Variants in ALG12 observed in about 807,000 individuals in gnomAD.
ALG12 encodes the protein ALG12 alpha-1,6-mannosyltransferase.
In ALG12, 36 loss-of-function variants were observed where a neutral mutation model predicts 46.0. The observed-to-expected ratio is 0.78, with a 90% CI of 0.60 to 1.03. ALG12 has a LOEUF of 1.03. ALG12 is among the 50% of genes least tolerant of loss of function. ALG12 has a pLI of 0.00. For synonymous variants in ALG12, 326 were observed against 291.6 expected (o/e 1.12, Z -1.20); for missense variants, 599 against 633.5 (o/e 0.95, Z 0.58).
the ALG12 span, among the ~76,000 whole-genome samples, chr22:49,878,949 C>A: frequency 6.6e-6 from 1 of 151,692 alleles, no homozygotes; most frequent in Non-Finnish European, 1.5e-5. Flanking sequence ...TAGAGACCAT[C>A]GTGGCCAACA....
the ALG12 span, chr22:49,888,848 C>T: frequency 6.0e-6 from 1 of 167,256 alleles, no homozygotes; most frequent in Non-Finnish European, 1.5e-5. Flanking sequence ...CCATGGCCCA[C>T]CCATCTCTCC....
chr22:49,888,371 A>G, the ALG12 span: 2 of 167,334 alleles, frequency 1.2e-5, no homozygotes, highest in Admixed American at 1.3e-4. Flanking sequence ...CTAAATTTGC[A>G]TTGACTATGT....
the ALG12 span, among the ~76,000 whole-genome samples, chr22:49,868,114 A>G: frequency 2.6e-4 from 39 of 152,190 alleles, 1 homozygote; most frequent in African/African-American, 8.4e-4. Context: ...ACCCATATTC[A>G]TGGTTTGTCC....
rs563758825 is a variant in ALG12 at position 49,911,339 on chromosome 22, G to A, written c.296-732C>T. Among the ~76,000 whole-genome samples the A allele has an allele frequency of 2.5e-4, 38 of 152,326 alleles. 1 individual carries two copies. The highest frequency in any genetic ancestry group is 6.7e-4 in the African/African-American group (28 of 41,562). On this transcript the variant is annotated intron_variant, in intron 3 of 9. Transcript: ENST00000330817. ...ACCCAGGCACTGCCAAGGGGGCCACGGATGTCTGAGGGCTGGACCTGCTGT... is the reference window on the plus strand; with the variant it reads ...ACCCAGGCACTGCCAAGGGGGCCACAGATGTCTGAGGGCTGGACCTGCTGT...
rs1267984710 is a variant in ALG12 at position 49,901,643 on chromosome 22, CACGT to C, written c.*2191_*2194del. ...GCGTGGTGGGTATGTATGGTGTGTG[CACGT>C]GTGATCATGCATGTATGGTGTGTAT... On this transcript the variant is annotated 3_prime_UTR_variant, in exon 10 of 10. Coordinates refer to ENST00000330817, the MANE Select transcript of ALG12 (RefSeq NM_024105.4). 1 of 89,196 alleles carries C rather than the reference CACGT, an allele frequency of 1.1e-5. No individual in the cohort carries two copies. The highest frequency in any genetic ancestry group is 2.3e-4 in the African/African-American group (1 of 4,350). 5.5% of individuals were successfully genotyped at this position (89,196 alleles called of 1,614,324 possible).
chr22:49,889,897 T>G, the ALG12 span: 1 of 167,098 alleles, frequency 6.0e-6, no homozygotes, highest in Non-Finnish European at 1.5e-5. Flanking sequence ...AAATGATGTT[T>G]TAGGCAGGTT....
At chr22:49,869,979 C>G in the ALG12 span, among the ~76,000 whole-genome samples, 34 of 152,122 alleles carry the variant, frequency 2.2e-4, no homozygotes, top group African/African-American at 7.2e-4. Flanking sequence ...CTCCCTCCCT[C>G]ACTCCTCACT....
In ALG12 at chr22:49,909,362, T is replaced by C. The variant is rs373506247; in HGVS notation, c.665-15A>G. The C allele has an allele frequency of 2.0e-5, 33 of 1,613,298 alleles. No homozygotes were observed. The African/African-American group carries it at 3.1e-4, about 15-fold the overall frequency. On this transcript the variant is annotated splice_polypyrimidine_tract_variant and intron_variant, in intron 5 of 9. Transcript: ENST00000330817. ...AACCGTCAGTCCTGACAAAATAAAA[T>C]AGAGTTTCTTAGTCGCAAACACAGC... is the stretch of plus-strand genomic sequence containing the variant.
intron 1 of ALG12, 149 bp from the exon 2 acceptor site, chr22:49,913,992 G>A (rs944296522): frequency 6.8e-5 from 41 of 605,138 alleles, no homozygotes; most frequent in Admixed American, 6.0e-4. Context: ...TGGAAAGTTT[G>A]GAGAAAAAAT....
chr22:49,917,963 G>GT (rs1424559732), intron 1 of ALG12, among the ~76,000 whole-genome samples: 15 of 116,152 alleles, frequency 1.3e-4, no homozygotes, highest in African/African-American at 2.6e-4. Context: ...CAGGTGAGGA[G>GT]CCCGGCCCCA....
chr22:49,886,949 A>C, the ALG12 span: 1 of 1,614,080 alleles, frequency 6.2e-7, no homozygotes, highest in Non-Finnish European at 8.5e-7. The surrounding 1 kb of genome is among the most constrained non-coding windows in gnomAD (Gnocchi z 7.7). Flanking sequence ...GTGCTTGAAC[A>C]CAGCTGTGAC....
At chr22:49,886,428 C>A in the ALG12 span, 2 of 1,586,890 alleles carry the variant, frequency 1.3e-6, no homozygotes, top group Non-Finnish European at 1.7e-6. This position sits in a 1 kb window ranked among gnomAD's most constrained non-coding sequence, Gnocchi z 7.7. Context: ...GAGAGCTGAT[C>A]AGCTGCGACC....
At chr22:49,913,041 G>A (rs2060588120) in intron 3 of ALG12, among the ~76,000 whole-genome samples, 1 of 152,226 alleles carries the variant, frequency 6.6e-6, no homozygotes, top group African/African-American at 2.4e-5. Flanking sequence ...GGCAAATGGT[G>A]CTGCTTCTGC....
the ALG12 span, among the ~76,000 whole-genome samples, chr22:49,890,587 T>G: frequency 1.2e-4 from 18 of 152,114 alleles, no homozygotes; most frequent in African/African-American, 4.1e-4. Context: ...CCAACAAAAC[T>G]CTTGAAGAAT....
the ALG12 span, among the ~76,000 whole-genome samples, chr22:49,877,392 AAT>A: frequency 1.3e-5 from 2 of 151,964 alleles, no homozygotes; most frequent in African/African-American, 4.8e-5. Flanking sequence ...CCCAGGCTCA[AAT>A]GATTCTCCTG....
At chr22:49,864,944 C>CA in the ALG12 span, among the ~76,000 whole-genome samples, 1 of 85,940 alleles carries the variant, frequency 1.2e-5, no homozygotes, top group Non-Finnish European at 2.0e-5. Context: ...CAAGCCCCCC[C>CA]CCCCCCCCGT....
chr22:49,872,826 C>G, the ALG12 span, among the ~76,000 whole-genome samples: 5 of 152,064 alleles, frequency 3.3e-5, no homozygotes, highest in African/African-American at 1.2e-4. Flanking sequence ...CTGCCTCAGC[C>G]TCCCGAGTAG....
chr22:49,898,102 T>C (rs8142561), downstream of ALG12, among the ~76,000 whole-genome samples: 54,361 of 150,998 alleles, frequency 0.36, 13,883 homozygotes, highest in African/African-American at 0.73. Context: ...TGGGCTCAAG[T>C]GATCCCTCCT....
chr22:49,877,913 G>T, the ALG12 span, among the ~76,000 whole-genome samples: 2 of 152,062 alleles, frequency 1.3e-5, no homozygotes. Flanking sequence ...TCATTCTTTT[G>T]TTATTGCTGC....
Sources: gnomAD v4.1 joint callset for allele counts (sites outside exome capture counted in the v4.1 genomes callset) on GRCh38, gnomAD v4.1.1 for gene constraint, Gnocchi (gnomAD v3.1) non-coding constraint, MANE v1.5 for transcripts, NCBI Gene and HGNC (gene_info 2026-07-23, HGNC 2026-07-21) for gene names.